Variants in GPRIN3 observed in about 807,000 individuals in gnomAD.
GPRIN3 encodes GPRIN family member 3, also known as G protein-regulated inducer of neurite outgrowth 3.
GPRIN3 carries 12 observed loss-of-function variants against 13.7 expected under a neutral mutation model. That is an observed-to-expected ratio of 0.87 (90% CI 0.56 to 1.42). GPRIN3 has a LOEUF of 1.42. GPRIN3 is among the 40% of genes most tolerant of loss of function. GPRIN3 has a pLI of 0.00. For missense variants in GPRIN3, 1,009 were observed against 958.7 expected, an observed-to-expected ratio of 1.05 and a Z score of -0.69; for synonymous variants, 377 against 372.7, an observed-to-expected ratio of 1.01 and a Z score of -0.13.
intron 1 of GPRIN3, among the ~76,000 whole-genome samples, chr4:89,260,641 T>C (rs1192855587): frequency 2.6e-5 from 4 of 152,244 alleles, no homozygotes; most frequent in Admixed American, 2.6e-4. Context: ...AACTGCTTTG[T>C]AGATGTTCAA....
rs182189379 is a variant in GPRIN3 at position 89,280,316 on chromosome 4, A to G, written c.-124+27299T>C. Among the ~76,000 whole-genome samples the G allele has an allele frequency of 2.9e-3, 447 of 152,314 alleles. 23 individuals carry two copies. The South Asian group carries it at 0.088, about 30-fold the overall frequency. On this transcript the variant is annotated intron_variant, in intron 1 of 1. Coordinates refer to ENST00000609438, the MANE Select transcript of GPRIN3 (RefSeq NM_198281.3). ...CTTCAATTCTCTAAATTGCTGCCGGAGAAATTTTTCTAAAATGCAAATATG... is the reference window on the plus strand; with the variant it reads ...CTTCAATTCTCTAAATTGCTGCCGGGGAAATTTTTCTAAAATGCAAATATG...
At position 89,236,642 on chromosome 4, in the gene GPRIN3, AGGTGGGGTCT is replaced by A. The variant is rs1442861716; in HGVS notation, c.*11128_*11137del. 1 of 152,076 alleles carries A rather than the reference AGGTGGGGTCT, an allele frequency of 6.6e-6. No individual in the cohort carries two copies. Among genetic ancestry groups the A allele is most frequent in the African/African-American group, 2.4e-5 (1 of 41,412 alleles). 9.4% of individuals were successfully genotyped at this position (152,076 alleles called of 1,614,324 possible). Reference sequence around the variant, plus strand: ...CTCCAAATTTCATGTTGAAATTTGGAGGTGGGGTCTGGTGGGAGGTGTTTTGGTTTACTCA... The same window carrying A: ...CTCCAAATTTCATGTTGAAATTTGGAGGTGGGAGGTGTTTTGGTTTACTCA... On this transcript the variant is annotated 3_prime_UTR_variant, in exon 2 of 2. Transcript: ENST00000609438.
rs77089008 is a variant in GPRIN3, at chr4:89,255,840, G to C, written c.-123-5607C>G. Reference sequence around the variant, plus strand: ...TAAAGGTTTTCTTAAAAGACTCTCTGTAACATTATAAATTCTTCCTGAATT... The same window carrying C: ...TAAAGGTTTTCTTAAAAGACTCTCTCTAACATTATAAATTCTTCCTGAATT... On this transcript the variant is annotated intron_variant, in intron 1 of 1. Coordinates refer to ENST00000609438, the MANE Select transcript of GPRIN3 (RefSeq NM_198281.3). 8.4e-3 allele frequency among the ~76,000 whole-genome samples: 1,284 copies of C among 152,314 alleles called. 18 individuals are homozygous for C. The highest frequency in any genetic ancestry group is 0.029 in the African/African-American group (1,218 of 41,562).
At chr4:89,259,243 A>T (rs987002778) in intron 1 of GPRIN3, among the ~76,000 whole-genome samples, 1 of 152,200 alleles carries the variant, frequency 6.6e-6, no homozygotes, top group African/African-American at 2.4e-5. Flanking sequence ...AATATTTTTT[A>T]AAAAACTTGA....
intron 1 of GPRIN3, among the ~76,000 whole-genome samples, chr4:89,306,256 G>A (rs1725030654): frequency 6.6e-6 from 1 of 152,128 alleles, no homozygotes; most frequent in Non-Finnish European, 1.5e-5. Context: ...ACTCAGGGCA[G>A]GCCAATGGTG....
chr4:89,270,573 A>ATATATATATATATATAT (rs1723911636), intron 1 of GPRIN3, among the ~76,000 whole-genome samples: 1 of 95,552 alleles, frequency 1.0e-5, no homozygotes, highest in African/African-American at 6.6e-5. Flanking sequence ...ATTTATATAT[A>ATATATATATATATATAT]TATATATATA....
At chr4:89,294,355 T>A (rs963729585) in intron 1 of GPRIN3, among the ~76,000 whole-genome samples, 1 of 152,220 alleles carries the variant, frequency 6.6e-6, no homozygotes, top group Non-Finnish European at 1.5e-5. Context: ...AAGACCAGCC[T>A]GGGTGACAAA....
At chr4:89,273,681 G>A (rs182901439) in intron 1 of GPRIN3, among the ~76,000 whole-genome samples, 83 of 152,278 alleles carry the variant, frequency 5.5e-4, no homozygotes, top group African/African-American at 1.7e-3. Context: ...GTGAGACTCC[G>A]TCTCAAAAAA....
At chr4:89,304,027 A>G (rs1273526443) in intron 1 of GPRIN3, among the ~76,000 whole-genome samples, 1 of 152,070 alleles carries the variant, frequency 6.6e-6, no homozygotes, top group Non-Finnish European at 1.5e-5. Flanking sequence ...TCCTCCTTCT[A>G]TAGACATGAA....
intron 1 of GPRIN3, among the ~76,000 whole-genome samples, chr4:89,256,827 C>T (rs541836222): frequency 1.3e-5 from 2 of 152,288 alleles, no homozygotes; most frequent in Admixed American, 6.5e-5. Context: ...ATTACTAATC[C>T]TCAAGAAAAG....
At chr4:89,263,859 C>T (rs917120033) in intron 1 of GPRIN3, among the ~76,000 whole-genome samples, 2 of 152,084 alleles carry the variant, frequency 1.3e-5, no homozygotes, top group African/African-American at 4.8e-5. Flanking sequence ...AGTCTGACTC[C>T]CAAACTCATG....
At chr4:89,293,284 C>T (rs915653366) in intron 1 of GPRIN3, among the ~76,000 whole-genome samples, 3 of 152,202 alleles carry the variant, frequency 2.0e-5, no homozygotes, top group Admixed American at 2.0e-4. Flanking sequence ...TGGTTTTGTA[C>T]CACTGTCTTA....
intron 1 of GPRIN3, among the ~76,000 whole-genome samples, chr4:89,302,760 A>G (rs1007266119): frequency 2.0e-5 from 3 of 152,190 alleles, no homozygotes; most frequent in Non-Finnish European, 2.9e-5. Context: ...CAGACTCTAA[A>G]TGTTTTTGTT....
At chr4:89,290,088 G>A (rs1724531695) in intron 1 of GPRIN3, among the ~76,000 whole-genome samples, 1 of 151,244 alleles carries the variant, frequency 6.6e-6, no homozygotes, top group Admixed American at 6.6e-5. Flanking sequence ...CAGCCTGGGC[G>A]ACAGAGTGAG....
chr4:89,295,930 G>A (rs1724718732), intron 1 of GPRIN3, among the ~76,000 whole-genome samples: 1 of 152,200 alleles, frequency 6.6e-6, no homozygotes, highest in Non-Finnish European at 1.5e-5. Flanking sequence ...TAACATCTGT[G>A]AAATTACAGG....
intron 1 of GPRIN3, among the ~76,000 whole-genome samples, chr4:89,295,821 T>C (rs1033427835): frequency 2.6e-5 from 4 of 152,170 alleles, no homozygotes; most frequent in African/African-American, 9.7e-5. Flanking sequence ...TTTAGCCTCA[T>C]GTGCTTCCTA....
At chr4:89,265,456 A>C (rs995552190) in intron 1 of GPRIN3, among the ~76,000 whole-genome samples, 1 of 152,174 alleles carries the variant, frequency 6.6e-6, no homozygotes, top group Admixed American at 6.5e-5. Flanking sequence ...ACAGAAAAAT[A>C]CCCAAAATTA....
At chr4:89,255,722 T>A (rs181161293) in intron 1 of GPRIN3, among the ~76,000 whole-genome samples, 53 of 152,294 alleles carry the variant, frequency 3.5e-4, no homozygotes, top group Admixed American at 1.1e-3. Flanking sequence ...CTCTCTAAGC[T>A]GGCTTAGCAA....
chr4:89,278,268 A>G (rs1008428848), intron 1 of GPRIN3, among the ~76,000 whole-genome samples: 1 of 152,212 alleles, frequency 6.6e-6, no homozygotes, highest in Non-Finnish European at 1.5e-5. Context: ...CCATATTTCA[A>G]AAAATTTTCA....
Sources: allele counts gnomAD v4.1 joint callset (sites outside exome capture counted in the v4.1 genomes callset), GRCh38; gene constraint gnomAD v4.1.1; transcripts MANE v1.5; gene names NCBI Gene and HGNC (gene_info 2026-07-23, HGNC 2026-07-21).